Variants in CADM1 observed in about 807,000 individuals in gnomAD.
The protein encoded by CADM1 is TSLC-1.
Under a neutral mutation model 53.1 loss-of-function variants are expected in CADM1, and 15 were observed. The observed-to-expected ratio is 0.28, with a 90% CI of 0.19 to 0.44. The LOEUF is 0.44. CADM1 is among the 20% of genes least tolerant of loss of function. CADM1 has a pLI of 1.00. For missense variants in CADM1, 434 were observed against 611.3 expected, an observed-to-expected ratio of 0.71 and a Z score of 3.06; for synonymous variants, 281 against 243.0, an observed-to-expected ratio of 1.16 and a Z score of -1.45.
chr11:115,238,450 G>A lies in CADM1; in HGVS notation c.424+50C>T, dbSNP rs773791802. The A allele has an allele frequency of 8.2e-6, 13 of 1,583,128 alleles. No homozygotes were observed. The Admixed American group carries it at 2.2e-4, about 26-fold the overall frequency. ...TAACCTTTTCCTTGCTGCTGTAAAA[G>A]GGCCATCTCTATTCCATTTCCCCGG... On this transcript the variant is annotated intron_variant, in intron 3 of 11. Transcript: ENST00000331581.
intron 1 of CADM1, among the ~76,000 whole-genome samples, chr11:115,241,940 C>A (rs550860342): frequency 6.7e-6 from 1 of 150,118 alleles, no homozygotes; most frequent in Non-Finnish European, 1.5e-5. Context: ...AAGGTTTCTA[C>A]CTGCTATCAT....
At position 115,402,005 on chromosome 11, in the gene CADM1, C is replaced by T. The variant is rs558991891; in HGVS notation, c.124+102266G>A. ...CCCAACACCCCCACAAAAAAAAACC[C>T]ACATAACTTTTGAAAGAAAACTTGA... On this transcript the variant is annotated intron_variant, in intron 1 of 11. Transcript: ENST00000331581. Among the ~76,000 whole-genome samples, 13 of 152,022 alleles carry T rather than the reference C, an allele frequency of 8.6e-5. No homozygotes were observed. The East Asian group carries it at 2.5e-3, about 29-fold the overall frequency.
intron 5 of CADM1, among the ~76,000 whole-genome samples, chr11:115,219,522 C>T (rs923945737): frequency 1.3e-5 from 2 of 152,174 alleles, no homozygotes; most frequent in African/African-American, 4.8e-5. Flanking sequence ...AGCCCAGAAG[C>T]TCCAGCTGAC....
At chr11:115,344,204 T>A (rs1217926101) in intron 1 of CADM1, among the ~76,000 whole-genome samples, 1 of 151,950 alleles carries the variant, frequency 6.6e-6, no homozygotes, top group African/African-American at 2.4e-5. Context: ...CCCCGCCCTC[T>A]CTGGTTTCCC....
intron 10 of CADM1, among the ~76,000 whole-genome samples, chr11:115,189,538 T>A (rs1189551841): frequency 7.9e-6 from 1 of 126,312 alleles, no homozygotes; most frequent in Non-Finnish European, 1.6e-5. Flanking sequence ...AATTGCTTAC[T>A]TCCAGCATCA....
intron 1 of CADM1, among the ~76,000 whole-genome samples, chr11:115,393,258 T>C (rs575085076): frequency 3.3e-5 from 5 of 151,662 alleles, no homozygotes; most frequent in African/African-American, 1.2e-4. Flanking sequence ...GTAATATGCA[T>C]GGAAGGTGAA....
intron 1 of CADM1, among the ~76,000 whole-genome samples, chr11:115,438,643 T>C (rs530535479): frequency 2.0e-4 from 30 of 152,308 alleles, no homozygotes; most frequent in Non-Finnish European, 3.4e-4. Context: ...AAAATGATCA[T>C]TTAGAATTTT....
At chr11:115,187,610 T>C (rs1005001122) in intron 10 of CADM1, among the ~76,000 whole-genome samples, 1 of 152,062 alleles carries the variant, frequency 6.6e-6, no homozygotes, top group African/African-American at 2.4e-5. Context: ...CTGGCTAATT[T>C]TTGTGTTTTT....
In CADM1 at chr11:115,364,950, ATTC is replaced by A. The variant is rs1455591471; in HGVS notation, c.125-124533_125-124531del. Among the ~76,000 whole-genome samples the A allele has an allele frequency of 2.6e-5, 4 of 152,238 alleles. No homozygotes were observed. The East Asian group carries it at 7.7e-4, about 29-fold the overall frequency. The stretch of plus-strand genomic sequence containing the variant: ...AAGAGAAAACAATATTAAATATTAT[ATTC>A]TTTATCCATTTTCACCTGTAGCTAT... On this transcript the variant is annotated intron_variant, in intron 1 of 11. Coordinates refer to ENST00000331581, the MANE Select transcript of CADM1 (RefSeq NM_001301043.2).
intron 1 of CADM1, among the ~76,000 whole-genome samples, chr11:115,414,717 G>A (rs1947550457): frequency 7.8e-3 from 1 of 128 alleles, no homozygotes; most frequent in South Asian, 0.17. Context: ...GGACACTGTG[G>A]CATTTGTCAT....
At chr11:115,455,694 A>G (rs1948668641) in intron 1 of CADM1, among the ~76,000 whole-genome samples, 1 of 152,182 alleles carries the variant, frequency 6.6e-6, no homozygotes, top group Non-Finnish European at 1.5e-5. Context: ...CCTACAAAAA[A>G]CAAAAAGAGA....
chr11:115,249,901 T>G (rs1274250326), intron 1 of CADM1, among the ~76,000 whole-genome samples: 2 of 152,164 alleles, frequency 1.3e-5, no homozygotes, highest in African/African-American at 4.8e-5. Flanking sequence ...TTCACAATAC[T>G]TGCCATTACT....
chr11:115,375,167 G>A (rs1173980347), intron 1 of CADM1, among the ~76,000 whole-genome samples: 1 of 152,148 alleles, frequency 6.6e-6, no homozygotes, highest in Non-Finnish European at 1.5e-5. Context: ...TATTGGTCAT[G>A]AGTTAATAAC....
intron 1 of CADM1, among the ~76,000 whole-genome samples, chr11:115,251,066 T>C (rs1942589356): frequency 6.6e-6 from 1 of 152,228 alleles, no homozygotes. Flanking sequence ...AGCCAATCTA[T>C]CAGCAACCAG....
At chr11:115,200,828 C>A (rs1220372922) in intron 8 of CADM1, among the ~76,000 whole-genome samples, 1 of 152,116 alleles carries the variant, frequency 6.6e-6, no homozygotes, top group Non-Finnish European at 1.5e-5. Flanking sequence ...TACTTAAGTA[C>A]AAATGATAGA....
At chr11:115,235,388 C>T (rs1941977496) in intron 3 of CADM1, among the ~76,000 whole-genome samples, 1 of 152,084 alleles carries the variant, frequency 6.6e-6, no homozygotes, top group Non-Finnish European at 1.5e-5. Context: ...AAAACTGCTG[C>T]TAACCAGAGA....
At position 115,355,291 on chromosome 11, in the gene CADM1, G is replaced by A. The variant is rs537713662; in HGVS notation, c.125-114871C>T. The stretch of plus-strand genomic sequence containing the variant: ...ATACTATGCAGCTATAAAAAAGAAT[G>A]GATCATATCCTTGGCAGGAACATGA... On this transcript the variant is annotated intron_variant, in intron 1 of 11. Transcript: ENST00000331581. Among the ~76,000 whole-genome samples the A allele has an allele frequency of 1.2e-4, 18 of 152,124 alleles. No homozygotes were observed. In the South Asian group the frequency reaches 3.7e-3, roughly 32 times the overall value.
chr11:115,343,474 C>A (rs973354979), intron 1 of CADM1, among the ~76,000 whole-genome samples: 1 of 152,070 alleles, frequency 6.6e-6, no homozygotes, highest in Non-Finnish European at 1.5e-5. Context: ...CAGATTTAAA[C>A]CTAGACAGTC....
chr11:115,310,651 G>A (rs1421483694), intron 1 of CADM1, among the ~76,000 whole-genome samples: 1 of 152,108 alleles, frequency 6.6e-6, no homozygotes, highest in Non-Finnish European at 1.5e-5. Context: ...GACACCTATG[G>A]CAGCTGGAGG....
Sources: allele counts gnomAD v4.1 joint callset (sites outside exome capture counted in the v4.1 genomes callset), GRCh38; gene constraint gnomAD v4.1.1; transcripts MANE v1.5; gene names NCBI Gene and HGNC (gene_info 2026-07-23, HGNC 2026-07-21).